Variants in HS3ST1 observed in about 807,000 individuals in gnomAD.
HS3ST1 encodes the protein heparan sulfate-glucosamine 3-sulfotransferase 1.
A neutral mutation model predicts 20.7 loss-of-function variants in HS3ST1; 8 were observed. The observed-to-expected ratio is 0.39, with a 90% CI of 0.23 to 0.70. The LOEUF (loss-of-function observed/expected upper bound fraction) is 0.70. HS3ST1 is among the 30% of genes least tolerant of loss of function. The pLI, the probability that HS3ST1 is intolerant of heterozygous loss-of-function variation, is 0.46. For missense variants in HS3ST1, 436 were observed against 423.4 expected (o/e 1.03, Z -0.26); for synonymous variants, 205 against 190.4 (o/e 1.08, Z -0.63).
chr4:11,428,225 G>T (rs1467962947), intron 1 of HS3ST1, among the ~76,000 whole-genome samples: 1 of 152,220 alleles, frequency 6.6e-6, no homozygotes, highest in South Asian at 2.1e-4. Flanking sequence ...CCCGACCAAG[G>T]CTTCTCCACC....
chr4:11,418,239 G>A (rs1718838278), intron 1 of HS3ST1, among the ~76,000 whole-genome samples: 1 of 152,144 alleles, frequency 6.6e-6, no homozygotes, highest in Non-Finnish European at 1.5e-5. Context: ...AAGGCAATAA[G>A]CAGCTAGATC....
intron 1 of HS3ST1, among the ~76,000 whole-genome samples, chr4:11,407,093 A>G (rs1718486696): frequency 6.6e-6 from 1 of 152,132 alleles, no homozygotes; most frequent in Admixed American, 6.5e-5. Context: ...ACCTACATAA[A>G]TATTTATTTT....
At chr4:11,408,435 A>G (rs1317777955) in intron 1 of HS3ST1, among the ~76,000 whole-genome samples, 1 of 152,212 alleles carries the variant, frequency 6.6e-6, no homozygotes, top group Non-Finnish European at 1.5e-5. Context: ...CAGTGACTCA[A>G]CCAGACAGAA....
intron 1 of HS3ST1, among the ~76,000 whole-genome samples, chr4:11,418,431 G>C (rs560679176): frequency 2.6e-5 from 4 of 152,314 alleles, no homozygotes; most frequent in Admixed American, 2.0e-4. Context: ...ATATAATTCT[G>C]TTTGACAGAT....
upstream of HS3ST1, chr4:11,429,089 G>A (rs1468840757): frequency 1.3e-5 from 2 of 152,454 alleles, no homozygotes; most frequent in Non-Finnish European, 2.9e-5. Flanking sequence ...GGTGCCTGGT[G>A]CTCCGCTCTG....
chr4:11,423,428 G>T (rs963729979), intron 1 of HS3ST1, among the ~76,000 whole-genome samples: 6 of 152,174 alleles, frequency 3.9e-5, no homozygotes, highest in African/African-American at 1.4e-4. Flanking sequence ...TGAACTGCAG[G>T]CTCCCTGGCT....
intron 1 of HS3ST1, among the ~76,000 whole-genome samples, chr4:11,410,878 C>A (rs561650893): frequency 6.7e-6 from 1 of 148,876 alleles, no homozygotes; most frequent in African/African-American, 2.5e-5. Flanking sequence ...GGCAACAGAG[C>A]GAGACTCCAT....
chr4:11,403,161 A>G (rs572644816), intron 1 of HS3ST1, among the ~76,000 whole-genome samples: 35 of 152,362 alleles, frequency 2.3e-4, no homozygotes, highest in Non-Finnish European at 1.0e-4. Flanking sequence ...TTTTATGTGT[A>G]TATGTAAAAA....
Position 11,400,034 on chromosome 4 carries a change from C to G in HS3ST1, c.-29G>C. On this transcript the variant is annotated 5_prime_UTR_variant, in exon 2 of 2. Transcript: ENST00000002596. ...GGACACCACGGTGGCTTCACTGGGCCGCGCGCCGCTGGGTCATGAAGTGCC... is the reference window on the plus strand; with the variant it reads ...GGACACCACGGTGGCTTCACTGGGCGGCGCGCCGCTGGGTCATGAAGTGCC... The G allele has an allele frequency of 6.8e-7, 1 of 1,465,970 alleles. No homozygotes were observed. Among genetic ancestry groups the G allele is most frequent in the South Asian group, 1.4e-5 (1 of 72,184 alleles). 90.8% of individuals were successfully genotyped at this position (1,465,970 alleles called of 1,614,324 possible). A position where few individuals can be genotyped will look rare whatever the true frequency, so the allele number is the denominator to read the frequency against.
chr4:11,418,313 T>C (rs1209561218), intron 1 of HS3ST1, among the ~76,000 whole-genome samples: 1 of 152,202 alleles, frequency 6.6e-6, no homozygotes, highest in Admixed American at 6.5e-5. Flanking sequence ...AAAATAATCA[T>C]TGCTATTAAG....
rs1479701598 is a variant in HS3ST1, at chr4:11,393,698, A to G, written c.*5384T>C. ...CCTGATCTCACGAGGAGCTCTGAGCATGAGTTGCACCAGAGGTTGTCCTGC... is the reference window on the plus strand; with the variant it reads ...CCTGATCTCACGAGGAGCTCTGAGCGTGAGTTGCACCAGAGGTTGTCCTGC... On this transcript the variant is annotated 3_prime_UTR_variant, in exon 2 of 2. Coordinates refer to ENST00000002596, the MANE Select transcript of HS3ST1 (RefSeq NM_005114.4). 5 of 152,262 alleles carry G rather than the reference A, an allele frequency of 3.3e-5. No individual in the cohort carries two copies. The highest frequency in any genetic ancestry group is 6.5e-5 in the Admixed American group (1 of 15,286). 9.4% of individuals were successfully genotyped at this position (152,262 alleles called of 1,614,324 possible). A position where few individuals can be genotyped will look rare whatever the true frequency, so the allele number is the denominator to read the frequency against.
In HS3ST1 at chr4:11,397,431, C is replaced by T. The variant is rs1718172847; in HGVS notation, c.*1651G>A. 1 of 152,320 alleles carries T rather than the reference C, an allele frequency of 6.6e-6. No homozygotes were observed. The highest frequency in any genetic ancestry group is 1.9e-4 in the East Asian group (1 of 5,202). 9.4% of individuals were successfully genotyped at this position (152,320 alleles called of 1,614,324 possible). A position where few individuals can be genotyped will look rare whatever the true frequency, so the allele number is the denominator to read the frequency against. On this transcript the variant is annotated 3_prime_UTR_variant, in exon 2 of 2. Transcript: ENST00000002596. The stretch of plus-strand genomic sequence containing the variant: ...AGGCTTCTTCTTGCCCTTCCTGTAT[C>T]TGGGACACACCTCTTAGGATGGAAG...
At chr4:11,433,861 T>A (rs1056180724), upstream of HS3ST1, among the ~76,000 whole-genome samples, 3 of 152,192 alleles carry the variant, frequency 2.0e-5, no homozygotes, top group Non-Finnish European at 4.4e-5. Flanking sequence ...TTCAATCTAA[T>A]CATTCTCATG....
intron 1 of HS3ST1, among the ~76,000 whole-genome samples, chr4:11,411,512 G>T (rs1484982588): frequency 6.6e-6 from 1 of 152,152 alleles, no homozygotes; most frequent in East Asian, 1.9e-4. Context: ...ACTTTAAACA[G>T]GAGGTGCTGT....
Position 11,396,003 on chromosome 4 carries a change from C to A in HS3ST1, c.*3079G>T, listed in dbSNP as rs1381600035. 3 of 152,146 alleles carry A rather than the reference C, an allele frequency of 2.0e-5. No homozygotes were observed. Among genetic ancestry groups the A allele is most frequent in the African/African-American group, 4.8e-5 (2 of 41,430 alleles). The allele number at this position is 152,146 out of a possible 1,614,324, so 9.4% of individuals were successfully genotyped here. The stretch of plus-strand genomic sequence containing the variant: ...TCCTGTTGTATTTTCTTTTTATATT[C>A]TTGAGGACTCAATACCATGTTGAGC... On this transcript the variant is annotated 3_prime_UTR_variant, in exon 2 of 2. Transcript: ENST00000002596.
At chr4:11,424,858 C>T (rs1241597602) in intron 1 of HS3ST1, among the ~76,000 whole-genome samples, 1 of 25,554 alleles carries the variant, frequency 3.9e-5, no homozygotes, top group Non-Finnish European at 8.3e-5. Flanking sequence ...GCCCATCTCC[C>T]ACAAAAAAAA....
upstream of HS3ST1, among the ~76,000 whole-genome samples, chr4:11,432,848 G>T (rs928192909): frequency 6.6e-6 from 1 of 152,154 alleles, no homozygotes; most frequent in Non-Finnish European, 1.5e-5. Context: ...TTCCAACTCA[G>T]CTCACCCATC....
Position 11,398,959 on chromosome 4 carries a change from C to G in HS3ST1, c.*123G>C. On this transcript the variant is annotated 3_prime_UTR_variant, in exon 2 of 2. Coordinates refer to ENST00000002596, the MANE Select transcript of HS3ST1 (RefSeq NM_005114.4). Reference sequence around the variant, plus strand: ...TGGCAATTGTGAATCTAATACTGTACAGAAGTACTTTATGGATTTTACAAA... The same window carrying G: ...TGGCAATTGTGAATCTAATACTGTAGAGAAGTACTTTATGGATTTTACAAA... 1.2e-6 allele frequency: 1 copy of G among 851,070 alleles called. No individual in the cohort carries two copies. The highest frequency in any genetic ancestry group is 1.7e-5 in the South Asian group (1 of 57,438). 52.7% of individuals were successfully genotyped at this position (851,070 alleles called of 1,614,324 possible).
At chr4:11,402,039 G>A (rs1357743759) in intron 1 of HS3ST1, among the ~76,000 whole-genome samples, 1 of 152,206 alleles carries the variant, frequency 6.6e-6, no homozygotes, top group African/African-American at 2.4e-5. Flanking sequence ...TACAAAGCTA[G>A]TAAAAATATT....
Sources: allele counts gnomAD v4.1 joint callset (sites outside exome capture counted in the v4.1 genomes callset), GRCh38; gene constraint gnomAD v4.1.1; transcripts MANE v1.5; gene names NCBI Gene and HGNC (gene_info 2026-07-23, HGNC 2026-07-21).